Variants in AGBL4 observed in about 807,000 individuals in gnomAD.
AGBL4 encodes the protein AGBL carboxypeptidase 4, also known as cytosolic carboxypeptidase 6.
AGBL4 carries 58 observed loss-of-function variants against 66.4 expected under a neutral mutation model. That is an observed-to-expected ratio of 0.87 (90% CI 0.71 to 1.09). The LOEUF (loss-of-function observed/expected upper bound fraction) is 1.09, where lower values mean the gene tolerates loss of function less well. Ranked by LOEUF, AGBL4 falls within the 50% of genes least tolerant of loss-of-function variation. The pLI, the probability that AGBL4 is intolerant of heterozygous loss-of-function variation, is 0.00. For synonymous variants in AGBL4, 234 were observed against 222.9 expected (o/e 1.05, Z -0.44); for missense variants, 579 against 631.0 (o/e 0.92, Z 0.88).
At chr1:49,554,644 A>G (rs1229975531) in intron 3 of AGBL4, among the ~76,000 whole-genome samples, 1 of 152,182 alleles carries the variant, frequency 6.6e-6, no homozygotes. Flanking sequence ...TCCCGCCCAC[A>G]AATGTGTCCA....
intron 3 of AGBL4, among the ~76,000 whole-genome samples, chr1:49,282,401 A>G (rs1644294427): frequency 6.6e-6 from 1 of 152,204 alleles, no homozygotes; most frequent in South Asian, 2.1e-4. Context: ...TATTCAAAAG[A>G]CACTACAGAG....
chr1:49,269,233 T>C (rs1643999479), intron 3 of AGBL4: 1 of 152,178 alleles, frequency 6.6e-6, no homozygotes, highest in Non-Finnish European at 1.5e-5. Flanking sequence ...TGATCACTAA[T>C]ACAGAAAAAC....
At chr1:49,293,489 A>G (rs537088434) in intron 3 of AGBL4, among the ~76,000 whole-genome samples, 1 of 152,362 alleles carries the variant, frequency 6.6e-6, no homozygotes, top group South Asian at 2.1e-4. Flanking sequence ...TTGAGTTATT[A>G]TATACGTAAA....
intron 3 of AGBL4, among the ~76,000 whole-genome samples, chr1:49,286,437 T>C (rs373938884): frequency 1.3e-5 from 2 of 152,142 alleles, no homozygotes; most frequent in African/African-American, 4.8e-5. Flanking sequence ...TGTTTGCAGA[T>C]GACATGATTG....
intron 1 of AGBL4, among the ~76,000 whole-genome samples, chr1:49,943,699 G>GCC (rs1654968585): frequency 6.6e-6 from 1 of 150,438 alleles, no homozygotes; most frequent in Non-Finnish European, 1.5e-5. Context: ...GGCTGCCAGA[G>GCC]GTACTGGGAA....
chr1:49,246,402 T>G (rs1466367896), intron 3 of AGBL4, among the ~76,000 whole-genome samples: 1 of 151,884 alleles, frequency 6.6e-6, no homozygotes, highest in African/African-American at 2.4e-5. Flanking sequence ...AAATTGCTAT[T>G]AAAACATTCT....
intron 3 of AGBL4, among the ~76,000 whole-genome samples, chr1:49,268,746 G>T (rs1643987176): frequency 6.6e-6 from 1 of 152,110 alleles, no homozygotes; most frequent in Non-Finnish European, 1.5e-5. Context: ...GGAAGGATGT[G>T]AGTCCTAGAT....
chr1:48,531,491 C>A (rs755685708), downstream of AGBL4, among the ~76,000 whole-genome samples: 1 of 152,162 alleles, frequency 6.6e-6, no homozygotes, highest in South Asian at 2.1e-4. Flanking sequence ...TCTTCTTGCA[C>A]ACCTGTGGTG....
At chr1:48,964,252 T>C (rs1161537067) in intron 5 of AGBL4, among the ~76,000 whole-genome samples, 1 of 152,214 alleles carries the variant, frequency 6.6e-6, no homozygotes, top group African/African-American at 2.4e-5. Flanking sequence ...CTGCACCTGG[T>C]TCTCCTAGAC....
chr1:48,850,991 T>A (rs909651081), intron 6 of AGBL4, among the ~76,000 whole-genome samples: 1 of 152,232 alleles, frequency 6.6e-6, no homozygotes, highest in Non-Finnish European at 1.5e-5. Context: ...AGATGCCTAC[T>A]TCATATGGTT....
chr1:49,915,823 G>C (rs1651400028), intron 1 of AGBL4, among the ~76,000 whole-genome samples: 1 of 152,106 alleles, frequency 6.6e-6, no homozygotes, highest in Non-Finnish European at 1.5e-5. Flanking sequence ...GCCTAACTGG[G>C]AGACACCCCC....
chr1:48,901,072 A>T (rs1036096126), intron 5 of AGBL4, among the ~76,000 whole-genome samples: 1 of 152,222 alleles, frequency 6.6e-6, no homozygotes, highest in Admixed American at 6.5e-5. Context: ...ATCTGAACAG[A>T]TGCTTTACTG....
chr1:48,978,610 T>G (rs1215075292), intron 5 of AGBL4, among the ~76,000 whole-genome samples: 7 of 152,172 alleles, frequency 4.6e-5, no homozygotes, highest in Non-Finnish European at 1.0e-4. Context: ...TCCCTAATGC[T>G]TCCGGTGATA....
At chr1:49,125,834 T>C (rs1035482246) in intron 4 of AGBL4, among the ~76,000 whole-genome samples, 1 of 152,184 alleles carries the variant, frequency 6.6e-6, no homozygotes, top group Non-Finnish European at 1.5e-5. Flanking sequence ...TCCTGTCTTT[T>C]CCACCACAAC....
intron 3 of AGBL4, 31 bp from the exon 4 acceptor site, chr1:49,245,895 T>A: frequency 6.8e-7 from 1 of 1,466,848 alleles, no homozygotes; most frequent in Non-Finnish European, 9.3e-7. Context: ...AGTTCATCTT[T>A]ATGCTATGCA....
At chr1:49,024,773 T>A (rs1663516513) in intron 5 of AGBL4, among the ~76,000 whole-genome samples, 1 of 152,112 alleles carries the variant, frequency 6.6e-6, no homozygotes, top group African/African-American at 2.4e-5. Context: ...TCCAAGAACT[T>A]ACAAACAATT....
At chr1:49,671,626 A>G (rs1158427885) in intron 3 of AGBL4, among the ~76,000 whole-genome samples, 1 of 152,166 alleles carries the variant, frequency 6.6e-6, no homozygotes, top group Non-Finnish European at 1.5e-5. Flanking sequence ...AAGAACTTAA[A>G]CAAATTTACA....
chr1:48,832,483 GT>G (rs960525047), intron 6 of AGBL4, among the ~76,000 whole-genome samples: 58 of 152,206 alleles, frequency 3.8e-4, no homozygotes, highest in African/African-American at 1.3e-3. Context: ...TACTCGCTAG[GT>G]TGTGAGTACC....
intron 5 of AGBL4, among the ~76,000 whole-genome samples, chr1:48,970,290 C>T (rs1484947983): frequency 6.6e-6 from 1 of 152,152 alleles, no homozygotes; most frequent in Non-Finnish European, 1.5e-5. Flanking sequence ...CCTGATGGTT[C>T]CTTTCAAAAT....
Sources: gnomAD v4.1 joint callset for allele counts (sites outside exome capture counted in the v4.1 genomes callset) on GRCh38, gnomAD v4.1.1 for gene constraint, MANE v1.5 for transcripts, NCBI Gene and HGNC (gene_info 2026-07-23, HGNC 2026-07-21) for gene names.